TMEM131L: variants seen among roughly 807,000 people sequenced by gnomAD.
TMEM131L encodes transmembrane 131 like.
TMEM131L carries 54 observed loss-of-function variants against 192.2 expected under a neutral mutation model. That is an observed-to-expected ratio of 0.28 (90% CI 0.23 to 0.35). TMEM131L has a LOEUF of 0.35. TMEM131L is among the 10% of genes least tolerant of loss of function. The pLI is 1.00. For missense variants in TMEM131L, 1,888 were observed against 1,972.9 expected, an observed-to-expected ratio of 0.96 and a Z score of 0.82; for synonymous variants, 701 against 704.9, an observed-to-expected ratio of 0.99 and a Z score of 0.09.
intron 23 of TMEM131L, 146 bp downstream of exon 23, chr4:153,602,873 A>T: frequency 1.4e-6 from 1 of 738,102 alleles, no homozygotes; most frequent in South Asian, 1.8e-5. Context: ...ACATCCATGA[A>T]GTATTCACTG....
intron 3 of TMEM131L, among the ~76,000 whole-genome samples, chr4:153,480,659 G>T (rs1346068936): frequency 2.6e-5 from 4 of 151,964 alleles, no homozygotes; most frequent in African/African-American, 9.7e-5. Context: ...AGGTGACCCA[G>T]CCTGTTCTGT....
chr4:153,549,607 A>G (rs10016276), intron 3 of TMEM131L, among the ~76,000 whole-genome samples: 23,180 of 152,162 alleles, frequency 0.15, 2,804 homozygotes, highest in African/African-American at 0.33. Context: ...GAGATTGTGT[A>G]TGATTGTTAT....
At chr4:153,545,277 C>T (rs1326792937) in intron 3 of TMEM131L, among the ~76,000 whole-genome samples, 4 of 141,734 alleles carry the variant, frequency 2.8e-5, no homozygotes. Context: ...CTTGTATCAG[C>T]CACTTTTTCA....
Position 153,517,232 on chromosome 4 carries a change from C to T in TMEM131L, c.240-32841C>T, listed in dbSNP as rs2085572819. ...AGTTGGTTGAAGTTTCCTTTGTTTC[C>T]ACCATTGGACTTATTTGCTATGCCT... On this transcript the variant is annotated intron_variant, in intron 3 of 34. Transcript: ENST00000409959. 2.6e-5 allele frequency among the ~76,000 whole-genome samples: 4 copies of T among 152,284 alleles called. No homozygotes were observed. The South Asian group carries it at 8.3e-4, about 32-fold the overall frequency.
chr4:153,505,107 TTC>T (rs1733898844), intron 3 of TMEM131L, among the ~76,000 whole-genome samples: 1 of 149,468 alleles, frequency 6.7e-6, no homozygotes, highest in African/African-American at 2.5e-5. Context: ...CTTTCTTTCT[TTC>T]TTTTTTTTTT....
chr4:153,471,872 CAA>C (rs1306479110), intron 2 of TMEM131L, among the ~76,000 whole-genome samples: 1 of 152,160 alleles, frequency 6.6e-6, no homozygotes, highest in Non-Finnish European at 1.5e-5. Flanking sequence ...TTAAAAATAT[CAA>C]GTTTATTTTC....
chr4:153,491,655 C>G (rs1298134399), intron 3 of TMEM131L, among the ~76,000 whole-genome samples: 2 of 151,922 alleles, frequency 1.3e-5, no homozygotes, highest in Admixed American at 6.6e-5. Context: ...TAATTAGTCT[C>G]TGGATATTTG....
chr4:153,629,483 C>A (rs540836985), intron 31 of TMEM131L, among the ~76,000 whole-genome samples: 3 of 152,310 alleles, frequency 2.0e-5, no homozygotes, highest in African/African-American at 7.2e-5. Flanking sequence ...ATAATACTTC[C>A]CGTCATTAAA....
intron 25 of TMEM131L, among the ~76,000 whole-genome samples, chr4:153,608,245 G>T (rs1227413869): frequency 2.0e-5 from 3 of 152,210 alleles, no homozygotes; most frequent in African/African-American, 7.2e-5. Flanking sequence ...AATAAAGTCT[G>T]CTGACATTCT....
intron 12 of TMEM131L, 139 bp from the exon 13 acceptor site, chr4:153,585,319 A>G: frequency 2.4e-6 from 2 of 846,718 alleles, no homozygotes; most frequent in Non-Finnish European, 3.7e-6. Context: ...GAAGGAGGCG[A>G]TTGCCGAGGT....
At chr4:153,505,214 C>T (rs1446956332) in intron 3 of TMEM131L, among the ~76,000 whole-genome samples, 1 of 151,360 alleles carries the variant, frequency 6.6e-6, no homozygotes, top group Admixed American at 6.6e-5. Context: ...TCAAGTGATT[C>T]TCCTGCCTCA....
intron 25 of TMEM131L, among the ~76,000 whole-genome samples, chr4:153,610,908 A>G (rs753575435): frequency 1.9e-4 from 29 of 152,170 alleles, no homozygotes; most frequent in Non-Finnish European, 3.2e-4. Flanking sequence ...TCAAATTTCA[A>G]AGGTATTGTT....
At chr4:153,503,969 G>A (rs1200062287) in intron 3 of TMEM131L, among the ~76,000 whole-genome samples, 1 of 152,028 alleles carries the variant, frequency 6.6e-6, no homozygotes, top group Admixed American at 6.6e-5. Context: ...CACTTGTGTG[G>A]TTTTTTTGTT....
intron 3 of TMEM131L, among the ~76,000 whole-genome samples, chr4:153,507,988 G>C (rs1182090754): frequency 6.6e-6 from 1 of 152,142 alleles, no homozygotes; most frequent in Non-Finnish European, 1.5e-5. Flanking sequence ...GTTGTGTGGA[G>C]GAAAGACTGG....
chr4:153,632,968 G>C (rs1310674767), intron 32 of TMEM131L, 130 bp downstream of exon 32: 1 of 1,033,066 alleles, frequency 9.7e-7, no homozygotes, highest in East Asian at 2.6e-5. Flanking sequence ...CTTTAGCTGT[G>C]CGTTTCCTTC....
chr4:153,607,587 A>G (rs963562888), intron 25 of TMEM131L, among the ~76,000 whole-genome samples: 1 of 152,178 alleles, frequency 6.6e-6, no homozygotes, highest in African/African-American at 2.4e-5. Flanking sequence ...CATTCTAGTC[A>G]TAAGATTGCC....
intron 3 of TMEM131L, among the ~76,000 whole-genome samples, chr4:153,539,978 C>T (rs1393781167): frequency 6.6e-6 from 1 of 151,944 alleles, no homozygotes; most frequent in Non-Finnish European, 1.5e-5. Flanking sequence ...GGCATGGTGG[C>T]GGGTGCCTGT....
Position 153,550,548 on chromosome 4 carries a change from G to A in TMEM131L, c.308+407G>A, listed in dbSNP as rs555260433. ...TCACCGTGTTCGCCAGGATGGTCTT[G>A]ATCTCCTGACTTCGTGATCCGCCCG... On this transcript the variant is annotated intron_variant, in intron 4 of 34. Coordinates refer to ENST00000409959, the MANE Select transcript of TMEM131L (RefSeq NM_001131007.2). 1.8e-4 allele frequency among the ~76,000 whole-genome samples: 28 copies of A among 152,254 alleles called. 2 individuals carry two copies. The Middle Eastern group carries it at 0.01, about 55-fold the overall frequency.
intron 3 of TMEM131L, among the ~76,000 whole-genome samples, chr4:153,488,338 C>T (rs1194759854): frequency 1.3e-5 from 2 of 152,188 alleles, no homozygotes; most frequent in Non-Finnish European, 1.5e-5. Flanking sequence ...GGAAGCAGCA[C>T]GGGGCACTGC....
Sources: gnomAD v4.1 joint callset for allele counts (sites outside exome capture counted in the v4.1 genomes callset) on GRCh38, gnomAD v4.1.1 for gene constraint, MANE v1.5 for transcripts, NCBI Gene and HGNC (gene_info 2026-07-23, HGNC 2026-07-21) for gene names.